The following GRID2 variants were observed in gnomAD, a reference collection of about 807,000 sequenced individuals.
GRID2 encodes glutamate ionotropic receptor delta type subunit 2.
A neutral mutation model predicts 114.8 loss-of-function variants in GRID2; 33 were observed. The ratio of observed to expected loss-of-function variants is 0.29; its 90% CI spans 0.22 to 0.38. The LOEUF is 0.38. GRID2 is among the 10% of genes least tolerant of loss of function. GRID2 has a pLI of 1.00. For missense variants in GRID2, 1,184 were observed against 1,257.7 expected, an observed-to-expected ratio of 0.94 and a Z score of 0.89; for synonymous variants, 505 against 449.9, an observed-to-expected ratio of 1.12 and a Z score of -1.55.
At position 93,515,276 on chromosome 4, in the gene GRID2, G is replaced by C; in HGVS notation, c.2058G>C (p.Ala686=). The C allele has an allele frequency of 6.2e-7, 1 of 1,610,450 alleles. No individual in the cohort carries two copies. The part of the protein sequence containing the change: ...EIPYGTVLDS[A]VYEHVRMKGL... Reference sequence around the variant, plus strand: ...CTTATGGCACAGTCCTAGACTCTGCGGTATATGAGCATGTCCGCATGAAAG... The same window carrying C: ...CTTATGGCACAGTCCTAGACTCTGCCGTATATGAGCATGTCCGCATGAAAG... The change falls in exon 13 of 16, where the codon GCG becomes GCC. Residue 686 remains alanine, a synonymous_variant. Transcript: ENST00000282020.
At chr4:92,727,916 C>T (rs1042275877) in intron 2 of GRID2, among the ~76,000 whole-genome samples, 7 of 152,178 alleles carry the variant, frequency 4.6e-5, no homozygotes, top group African/African-American at 7.2e-5. Flanking sequence ...TTCCAATATA[C>T]GGCTTTGCAA....
rs140741981 is a variant in GRID2 at position 93,709,707 on chromosome 4, A to G, written c.2361-59503A>G. ...ACTCCGTGTCTCCTCTTTAAGGCCA[A>G]TAACTTAGATTTGCCCCTTTAAGGC... On this transcript the variant is annotated intron_variant, in intron 14 of 15. Coordinates refer to ENST00000282020, the MANE Select transcript of GRID2 (RefSeq NM_001510.4). Among the ~76,000 whole-genome samples the G allele has an allele frequency of 1.1e-3, 173 of 152,286 alleles. 2 individuals carry two copies. In the East Asian group the frequency reaches 0.028, roughly 24 times the overall value.
At chr4:92,485,342 ATATATAGTGT>A (rs1317864250) in intron 1 of GRID2, among the ~76,000 whole-genome samples, 5 of 69,706 alleles carry the variant, frequency 7.2e-5, no homozygotes, top group Admixed American at 1.6e-4. Flanking sequence ...ATATATATAT[ATATATAGTGT>A]GTGTGTGTGT....
At chr4:92,602,910 A>G (rs1421644763) in intron 2 of GRID2, among the ~76,000 whole-genome samples, 1 of 152,176 alleles carries the variant, frequency 6.6e-6, no homozygotes, top group Non-Finnish European at 1.5e-5. Context: ...TACACAAACA[A>G]CAGACAAGCA....
At chr4:92,666,466 G>T (rs1344043266) in intron 2 of GRID2, among the ~76,000 whole-genome samples, 1 of 151,140 alleles carries the variant, frequency 6.6e-6, no homozygotes, top group African/African-American at 2.4e-5. Flanking sequence ...CTGTTTCTTC[G>T]TATGCCTTGT....
Position 93,772,525 on chromosome 4 carries a change from C to G in GRID2, c.*27C>G. The G allele has an allele frequency of 3.3e-6, 5 of 1,495,470 alleles. No homozygotes were observed. The highest frequency in any genetic ancestry group is 4.5e-6 in the Non-Finnish European group (5 of 1,107,574). The allele number at this position is 1,495,470 out of a possible 1,614,324, so 92.6% of individuals were successfully genotyped here. On this transcript the variant is annotated 3_prime_UTR_variant, in exon 16 of 16. Coordinates refer to ENST00000282020, the MANE Select transcript of GRID2 (RefSeq NM_001510.4). The stretch of plus-strand genomic sequence containing the variant: ...CATCAAACAAATCTCTTCACTGTTT[C>G]TTTTTTAGGACTCCCTTTGCAAGGA...
At chr4:92,983,156 C>T (rs1297561227) in intron 2 of GRID2, among the ~76,000 whole-genome samples, 1 of 151,876 alleles carries the variant, frequency 6.6e-6, no homozygotes, top group Non-Finnish European at 1.5e-5. Flanking sequence ...ATTTGGCACA[C>T]AAAATACAAC....
Position 93,533,272 on chromosome 4 carries a change from TC to T in GRID2, c.2193+17863del, listed in dbSNP as rs1366494098. Among the ~76,000 whole-genome samples, 143 of 126,542 alleles carry T rather than the reference TC, an allele frequency of 1.1e-3. 2 individuals are homozygous for T. The East Asian group carries it at 0.023, about 21-fold the overall frequency. The allele number at this position is 126,542 out of a possible 152,430, so 83.0% of individuals were successfully genotyped here. ...TTCCTTCCTTCCTTCCTTCCTTCCT[TC>T]CTTCCTTCCTTCCTTCCTTCCTTCC... is the stretch of plus-strand genomic sequence containing the variant. On this transcript the variant is annotated intron_variant, in intron 13 of 15. Transcript: ENST00000282020.
intron 1 of GRID2, among the ~76,000 whole-genome samples, chr4:92,372,105 A>T (rs1579255078): frequency 6.6e-6 from 1 of 152,312 alleles, no homozygotes; most frequent in East Asian, 1.9e-4. Flanking sequence ...ATAGATGAGG[A>T]GTTACGCATA....
chr4:92,850,216 T>G (rs2149421499), intron 2 of GRID2, among the ~76,000 whole-genome samples: 1 of 150,976 alleles, frequency 6.6e-6, no homozygotes, highest in South Asian at 2.1e-4. Context: ...TAATTATAAG[T>G]GAATCTACAC....
chr4:92,684,926 T>C (rs1478569462), intron 2 of GRID2, among the ~76,000 whole-genome samples: 1 of 152,064 alleles, frequency 6.6e-6, no homozygotes, highest in Non-Finnish European at 1.5e-5. Flanking sequence ...GTATTTTATT[T>C]AGAATGATAG....
At chr4:93,405,744 A>G (rs904808485) in intron 9 of GRID2, among the ~76,000 whole-genome samples, 3 of 152,192 alleles carry the variant, frequency 2.0e-5, no homozygotes, top group African/African-American at 4.8e-5. Flanking sequence ...GAACAAAAAC[A>G]TAATGTTAAG....
intron 2 of GRID2, among the ~76,000 whole-genome samples, chr4:93,079,819 T>A (rs1729691921): frequency 6.6e-6 from 1 of 152,120 alleles, no homozygotes; most frequent in Non-Finnish European, 1.5e-5. Flanking sequence ...GAAAAAATAG[T>A]TGACTGAAAA....
intron 2 of GRID2, among the ~76,000 whole-genome samples, chr4:92,928,685 A>T (rs1363776674): frequency 6.6e-6 from 1 of 151,580 alleles, no homozygotes; most frequent in African/African-American, 2.4e-5. Context: ...GTACATAGGT[A>T]ATTAACCACT....
chr4:93,311,840 CATT>C (rs775183337), intron 8 of GRID2, among the ~76,000 whole-genome samples: 3 of 151,960 alleles, frequency 2.0e-5, no homozygotes, highest in Non-Finnish European at 4.4e-5. Flanking sequence ...ACTTCAAGGT[CATT>C]ATTAATCTTA....
chr4:93,630,873 G>T (rs1461718404), intron 14 of GRID2, among the ~76,000 whole-genome samples: 3 of 152,106 alleles, frequency 2.0e-5, no homozygotes, highest in African/African-American at 7.2e-5. Flanking sequence ...TCTGGTCACT[G>T]TACATTCTGT....
At chr4:93,613,910 C>A (rs1004896411) in intron 13 of GRID2, among the ~76,000 whole-genome samples, 4 of 151,664 alleles carry the variant, frequency 2.6e-5, no homozygotes, top group African/African-American at 7.2e-5. Flanking sequence ...CCTCCCCCAG[C>A]CTAGTTGCCG....
At chr4:93,107,079 C>T (rs571097998) in intron 3 of GRID2, among the ~76,000 whole-genome samples, 6 of 152,160 alleles carry the variant, frequency 3.9e-5, no homozygotes, top group South Asian at 2.1e-4. Context: ...GCAGGTGGAT[C>T]GCCTGAGCTC....
chr4:92,906,290 C>T (rs572322710), intron 2 of GRID2, among the ~76,000 whole-genome samples: 1 of 134,480 alleles, frequency 7.4e-6, no homozygotes, highest in South Asian at 2.4e-4. Context: ...TGCCAATTAA[C>T]ACCAGACAGT....
Sources: gnomAD v4.1 joint callset for allele counts (sites outside exome capture counted in the v4.1 genomes callset) on GRCh38, gnomAD v4.1.1 for gene constraint, MANE v1.5 for transcripts, NCBI Gene and HGNC (gene_info 2026-07-23, HGNC 2026-07-21) for gene names.